CCDC141: variants seen among roughly 807,000 people sequenced by gnomAD.
CCDC141 encodes the protein coiled-coil domain-containing protein 141.
In CCDC141, 168 loss-of-function variants were observed where a neutral mutation model predicts 181.0. The ratio of observed to expected loss-of-function variants is 0.93; its 90% confidence interval spans 0.82 to 1.05. The LOEUF (loss-of-function observed/expected upper bound fraction) is 1.05. Among genes scored for constraint, CCDC141 ranks in the 50% least tolerant of loss-of-function variants. CCDC141 has a pLI of 0.00. For missense variants in CCDC141, 1,902 were observed against 1,788.5 expected, an observed-to-expected ratio of 1.06 and a Z score of -1.14; for synonymous variants, 666 against 642.3, an observed-to-expected ratio of 1.04 and a Z score of -0.56.
At chr2:178,903,273 C>G (rs1446310212) in intron 8 of CCDC141, among the ~76,000 whole-genome samples, 2 of 150,246 alleles carry the variant, frequency 1.3e-5, no homozygotes, top group Non-Finnish European at 3.0e-5. Context: ...ACCCAAAGGA[C>G]TATAAATCAT....
chr2:179,048,945 G>A (rs982497614), intron 1 of CCDC141, among the ~76,000 whole-genome samples: 4 of 152,186 alleles, frequency 2.6e-5, no homozygotes, highest in African/African-American at 9.7e-5. Flanking sequence ...GGCCAGAAAA[G>A]TCATTCAATT....
rs79059874 is a variant in CCDC141 at position 179,019,284 on chromosome 2, G to A, written c.225+28000C>T. 3.9e-3 allele frequency among the ~76,000 whole-genome samples: 592 copies of A among 152,032 alleles called. 3 individuals carry two copies. Among genetic ancestry groups the A allele is most frequent in the Non-Finnish European group, 6.1e-3 (412 of 67,974 alleles). ...CCAGGAATCAACAAAATATATTCAC[G>A]GTCTACGTTGCTGATAAGTGAAGCA... On this transcript the variant is annotated intron_variant, in intron 2 of 23. Coordinates refer to ENST00000443758, the MANE Select transcript of CCDC141 (RefSeq NM_173648.4).
At chr2:178,848,213 G>T in intron 21 of CCDC141, among the ~76,000 whole-genome samples, 1 of 152,162 alleles carries the variant, frequency 6.6e-6, no homozygotes, top group East Asian at 1.9e-4. Context: ...TTGAAGTAAA[G>T]GTTTAGAAGT....
At chr2:178,949,063 T>C (rs1240801607) in intron 5 of CCDC141, among the ~76,000 whole-genome samples, 1 of 152,164 alleles carries the variant, frequency 6.6e-6, no homozygotes, top group Non-Finnish European at 1.5e-5. Context: ...AGGTAAGACA[T>C]GCATTTCTTT....
chr2:178,839,927 C>G (rs934308874), intron 22 of CCDC141, among the ~76,000 whole-genome samples: 18 of 152,324 alleles, frequency 1.2e-4, no homozygotes, highest in African/African-American at 4.3e-4. Context: ...CCTATTCAGT[C>G]TAAGAATCTC....
At chr2:178,827,282 G>A (rs1412429383), downstream of CCDC141, among the ~76,000 whole-genome samples, 1 of 152,130 alleles carries the variant, frequency 6.6e-6, no homozygotes, top group Non-Finnish European at 1.5e-5. Flanking sequence ...GTCTATCTTG[G>A]AAAATGCTCC....
At chr2:179,042,900 A>T (rs140937710) in intron 2 of CCDC141, among the ~76,000 whole-genome samples, 1 of 152,156 alleles carries the variant, frequency 6.6e-6, no homozygotes, top group East Asian at 1.9e-4. Flanking sequence ...ACACAAAAAA[A>T]CCTTCAAAAA....
At chr2:178,956,430 G>A (rs1575264799) in intron 5 of CCDC141, among the ~76,000 whole-genome samples, 1 of 152,138 alleles carries the variant, frequency 6.6e-6, no homozygotes, top group African/African-American at 2.4e-5. Context: ...CCAAGTATCT[G>A]GGACTACAGG....
intron 2 of CCDC141, among the ~76,000 whole-genome samples, chr2:179,024,710 A>C (rs2042783738): frequency 6.6e-6 from 1 of 152,198 alleles, no homozygotes; most frequent in African/African-American, 2.4e-5. Flanking sequence ...GACACTACTC[A>C]ATACTTCTGT....
chr2:179,049,006 G>A (rs1018379333), intron 1 of CCDC141, among the ~76,000 whole-genome samples: 2 of 152,170 alleles, frequency 1.3e-5, no homozygotes, highest in Non-Finnish European at 2.9e-5. Context: ...CAGCTTGTTT[G>A]CCAGCTTTCC....
At position 178,865,932 on chromosome 2, in the gene CCDC141, G is replaced by A; in HGVS notation, c.2575-16C>T. ...TAGAGCAGTGCTAAAAGAGACAAAT[G>A]GTGGTAACAGAGAGAAAGGACGAAA... On this transcript the variant is annotated splice_polypyrimidine_tract_variant and intron_variant, in intron 16 of 23. Transcript: ENST00000443758. 6.8e-7 allele frequency: 1 copy of A among 1,475,746 alleles called. No individual in the cohort carries two copies. Among genetic ancestry groups the A allele is most frequent in the Non-Finnish European group, 9.0e-7 (1 of 1,106,936 alleles). The allele number at this position is 1,475,746 out of a possible 1,614,324, so 91.4% of individuals were successfully genotyped here.
chr2:178,982,253 G>C (rs541776669), intron 2 of CCDC141, among the ~76,000 whole-genome samples: 2 of 152,250 alleles, frequency 1.3e-5, no homozygotes, highest in African/African-American at 4.8e-5. Context: ...AATAAATTCA[G>C]CAAAGTTACA....
At chr2:178,911,860 G>A (rs1370829676) in intron 7 of CCDC141, among the ~76,000 whole-genome samples, 4 of 152,224 alleles carry the variant, frequency 2.6e-5, no homozygotes, top group African/African-American at 2.4e-5. Flanking sequence ...GGCACTATGT[G>A]TAGATGACAA....
intron 4 of CCDC141, among the ~76,000 whole-genome samples, chr2:178,965,211 T>C (rs189775580): frequency 6.6e-6 from 1 of 152,336 alleles, no homozygotes; most frequent in East Asian, 1.9e-4. Context: ...GGATGGTTTC[T>C]CTTGAACATA....
intron 2 of CCDC141, among the ~76,000 whole-genome samples, chr2:178,989,098 T>A (rs1691903069): frequency 1.3e-5 from 2 of 152,094 alleles, no homozygotes; most frequent in South Asian, 2.1e-4. Context: ...TTGGCAATAG[T>A]TTTTTAGATA....
At chr2:178,893,827 A>ACACACACACACACACACACACACACG (rs1687278259) in intron 8 of CCDC141, among the ~76,000 whole-genome samples, 2 of 141,250 alleles carry the variant, frequency 1.4e-5, no homozygotes, top group African/African-American at 2.8e-5. Flanking sequence ...ACACACGCAC[A>ACACACACACACACACACACACACACG]CACACACACA....
chr2:178,835,432 T>G (rs1479299125), intron 23 of CCDC141, among the ~76,000 whole-genome samples: 1 of 152,248 alleles, frequency 6.6e-6, no homozygotes, highest in Non-Finnish European at 1.5e-5. Flanking sequence ...AATAATTTTA[T>G]TTTGTATGTC....
In CCDC141 at chr2:178,832,170, G is replaced by A. The variant is rs1215829817; in HGVS notation, c.*2003C>T. 2 of 152,080 alleles carry A rather than the reference G, an allele frequency of 1.3e-5. No individual in the cohort carries two copies. Among genetic ancestry groups the A allele is most frequent in the African/African-American group, 2.4e-5 (1 of 41,392 alleles). The allele number at this position is 152,080 out of a possible 1,614,324, so 9.4% of individuals were successfully genotyped here. On this transcript the variant is annotated 3_prime_UTR_variant, in exon 24 of 24. Transcript: ENST00000443758. ...TAGGTTTTTACTCTTTAGCTTCAAC[G>A]TGGGCAACAGCAGTTAGGCAAGATT...
At chr2:178,999,447 A>G (rs143216957) in intron 2 of CCDC141, among the ~76,000 whole-genome samples, 1 of 152,162 alleles carries the variant, frequency 6.6e-6, no homozygotes, top group East Asian at 1.9e-4. Flanking sequence ...TCCTGCCTCT[A>G]GGTTCACCCT....
Sources: allele counts gnomAD v4.1 joint callset (sites outside exome capture counted in the v4.1 genomes callset), GRCh38; gene constraint gnomAD v4.1.1; transcripts MANE v1.5; gene names NCBI Gene and HGNC (gene_info 2026-07-23, HGNC 2026-07-21).